CEP85L: variants seen among roughly 807,000 people sequenced by gnomAD.
The protein encoded by CEP85L is centrosomal protein of 85 kDa-like.
In CEP85L, 60 loss-of-function variants were observed where a neutral mutation model predicts 100.3. That is an observed-to-expected ratio of 0.60 (90% CI 0.49 to 0.74). The LOEUF is 0.74. CEP85L is among the 30% of genes least tolerant of loss of function. CEP85L has a pLI of 0.00. For synonymous variants in CEP85L, 319 were observed against 322.7 expected, an observed-to-expected ratio of 0.99 and a Z score of 0.12; for missense variants, 973 against 936.2, an observed-to-expected ratio of 1.04 and a Z score of -0.51.
intron 1 of CEP85L, among the ~76,000 whole-genome samples, chr6:118,688,267 C>T (rs917352030): frequency 1.3e-5 from 2 of 152,192 alleles, no homozygotes; most frequent in African/African-American, 4.8e-5. Flanking sequence ...TCCCAAAGTG[C>T]TGGGATTACA....
At chr6:118,599,917 C>A (rs1307488666) in intron 2 of CEP85L, among the ~76,000 whole-genome samples, 1 of 152,082 alleles carries the variant, frequency 6.6e-6, no homozygotes, top group East Asian at 1.9e-4. Context: ...GAAACCGTCA[C>A]AGACCAGAGG....
chr6:118,680,040 T>C (rs528321679), intron 1 of CEP85L, among the ~76,000 whole-genome samples: 80 of 151,542 alleles, frequency 5.3e-4, no homozygotes, highest in Admixed American at 8.6e-4. Flanking sequence ...AATCCTAGCA[T>C]TTTTGGAGGC....
At chr6:118,668,774 T>C (rs1036411423) in intron 1 of CEP85L, among the ~76,000 whole-genome samples, 1 of 152,252 alleles carries the variant, frequency 6.6e-6, no homozygotes, top group African/African-American at 2.4e-5. Flanking sequence ...ACATATTTTG[T>C]ATGTTTTCCT....
intron 2 of CEP85L, among the ~76,000 whole-genome samples, 169 bp downstream of exon 2, chr6:118,632,284 C>T (rs1018910005): frequency 1.3e-5 from 2 of 152,166 alleles, no homozygotes; most frequent in Non-Finnish European, 2.9e-5. Context: ...CCACCGCGCC[C>T]GGTCGATTAG....
intron 5 of CEP85L, chr6:118,502,572 T>A (rs559096833): frequency 5.1e-5 from 24 of 474,934 alleles, no homozygotes; most frequent in African/African-American, 4.3e-4. Context: ...AGTAACAAAC[T>A]TTGGCGCTCC....
intron 3 of CEP85L, among the ~76,000 whole-genome samples, chr6:118,553,199 T>C (rs1222748228): frequency 7.1e-6 from 1 of 139,982 alleles, no homozygotes; most frequent in Non-Finnish European, 1.5e-5. Flanking sequence ...ATTAAACAGC[T>C]TAGCTGTTAA....
At chr6:118,604,859 T>C (rs1434745433) in intron 2 of CEP85L, among the ~76,000 whole-genome samples, 1 of 152,236 alleles carries the variant, frequency 6.6e-6, no homozygotes, top group Non-Finnish European at 1.5e-5. Context: ...ACATTTTATT[T>C]TACCTATAAT....
At chr6:118,631,464 G>C (rs1774143613) in intron 2 of CEP85L, among the ~76,000 whole-genome samples, 1 of 152,090 alleles carries the variant, frequency 6.6e-6, no homozygotes, top group African/African-American at 2.4e-5. Flanking sequence ...TACACTCCTA[G>C]GCATCTACTC....
At chr6:118,659,243 C>T (rs1775893236) in intron 1 of CEP85L, among the ~76,000 whole-genome samples, 1 of 152,118 alleles carries the variant, frequency 6.6e-6, no homozygotes, top group Non-Finnish European at 1.5e-5. Context: ...ATGAACAAAG[C>T]ATCTAAAATC....
chr6:118,570,539 T>C (rs1388750961), intron 2 of CEP85L, among the ~76,000 whole-genome samples: 1 of 152,204 alleles, frequency 6.6e-6, no homozygotes, highest in Non-Finnish European at 1.5e-5. Flanking sequence ...TGAAAGCAGC[T>C]GATATATGCT....
intron 4 of CEP85L, among the ~76,000 whole-genome samples, chr6:118,521,923 A>G (rs1208558197): frequency 6.6e-6 from 1 of 152,164 alleles, no homozygotes; most frequent in African/African-American, 2.4e-5. Flanking sequence ...ATTTTATTAT[A>G]TTATGTCAAT....
chr6:118,492,396 C>T (rs986248896), intron 5 of CEP85L, among the ~76,000 whole-genome samples: 1 of 151,926 alleles, frequency 6.6e-6, no homozygotes, highest in African/African-American at 2.4e-5. Flanking sequence ...TCAAAGTGTC[C>T]ATCTTATATT....
rs554779239 is a variant in CEP85L, at chr6:118,647,001, C to T, written c.73+4196G>A. 3.0e-6 allele frequency: 3 copies of T among 985,266 alleles called. No individual in the cohort carries two copies. The East Asian group carries it at 3.4e-4, about 112-fold the overall frequency. The allele number at this position is 985,266 out of a possible 1,614,324, so 61.0% of individuals were successfully genotyped here. A position where few individuals can be genotyped will look rare whatever the true frequency, so the allele number is the denominator to read the frequency against. ...TTAATCAAGTTCATTTCACCAAAGT[C>T]ATCACTAAAGTTAAGATTCACCCCT... is the stretch of plus-strand genomic sequence containing the variant. On this transcript the variant is annotated intron_variant, in intron 1 of 12. Coordinates refer to ENST00000368491, the MANE Select transcript of CEP85L (RefSeq NM_001042475.3).
chr6:118,505,225 G>T (rs959308721), intron 5 of CEP85L, among the ~76,000 whole-genome samples: 33 of 151,818 alleles, frequency 2.2e-4, no homozygotes, highest in African/African-American at 7.5e-4. Flanking sequence ...GGCAGATCAT[G>T]AAGTCAGGAG....
intron 1 of CEP85L, among the ~76,000 whole-genome samples, chr6:118,695,951 A>C (rs1466151254): frequency 6.6e-6 from 1 of 152,132 alleles, no homozygotes; most frequent in Non-Finnish European, 1.5e-5. Flanking sequence ...TATATACAGG[A>C]TGGTTGTACT....
intron 2 of CEP85L, among the ~76,000 whole-genome samples, chr6:118,599,277 G>C (rs1314829172): frequency 6.6e-6 from 1 of 152,132 alleles, no homozygotes; most frequent in African/African-American, 2.4e-5. Context: ...AAGTAAGGAA[G>C]TGCTCAAAAA....
At chr6:118,596,558 C>A (rs1265818495) in intron 2 of CEP85L, among the ~76,000 whole-genome samples, 1 of 152,246 alleles carries the variant, frequency 6.6e-6, no homozygotes, top group African/African-American at 2.4e-5. Flanking sequence ...CTAATTGGAA[C>A]CAAGCGTTAC....
intron 3 of CEP85L, among the ~76,000 whole-genome samples, chr6:118,524,279 C>A (rs570513264): frequency 1.3e-5 from 2 of 152,042 alleles, no homozygotes; most frequent in Non-Finnish European, 2.9e-5. Context: ...CCCATCTCTA[C>A]TAAAAATACA....
intron 2 of CEP85L, among the ~76,000 whole-genome samples, chr6:118,627,321 C>T (rs541897111): frequency 1.7e-4 from 26 of 151,838 alleles, no homozygotes; most frequent in African/African-American, 5.8e-4. Flanking sequence ...AAAAACTGGT[C>T]AACATTACAG....
Sources: allele counts gnomAD v4.1 joint callset (sites outside exome capture counted in the v4.1 genomes callset), GRCh38; gene constraint gnomAD v4.1.1; transcripts MANE v1.5; gene names NCBI Gene and HGNC (gene_info 2026-07-23, HGNC 2026-07-21).